Variants in OPCML observed in about 807,000 individuals in gnomAD.
The protein encoded by OPCML is opioid binding protein/cell adhesion molecule like, also known as opioid-binding protein/cell adhesion molecule.
A neutral mutation model predicts 37.8 loss-of-function variants in OPCML; 13 were observed. That is an observed-to-expected ratio of 0.34 (90% CI 0.22 to 0.55). OPCML has a LOEUF of 0.55. OPCML is among the 20% of genes least tolerant of loss of function. OPCML has a pLI of 0.91. For synonymous variants in OPCML, 176 were observed against 168.8 expected (o/e 1.04, Z -0.33); for missense variants, 341 against 435.6 (o/e 0.78, Z 1.93).
intron 1 of OPCML, among the ~76,000 whole-genome samples, chr11:133,264,846 T>A (rs186306362): frequency 6.6e-6 from 1 of 152,152 alleles, no homozygotes; most frequent in Non-Finnish European, 1.5e-5. Context: ...GATCATTAAA[T>A]AAACTAAGTA....
intron 2 of OPCML, among the ~76,000 whole-genome samples, chr11:132,775,839 C>T (rs1946790716): frequency 6.6e-6 from 1 of 152,222 alleles, no homozygotes; most frequent in Non-Finnish European, 1.5e-5. Context: ...CTACCTGCCA[C>T]CTATGAACCA....
At chr11:133,086,830 C>T (rs996247041) in intron 1 of OPCML, among the ~76,000 whole-genome samples, 7 of 152,160 alleles carry the variant, frequency 4.6e-5, no homozygotes, top group Admixed American at 1.3e-4. Flanking sequence ...TAAGATCGTG[C>T]GGTACTTGTG....
intron 1 of OPCML, among the ~76,000 whole-genome samples, chr11:133,429,312 T>C (rs1298678156): frequency 6.6e-6 from 1 of 152,178 alleles, no homozygotes; most frequent in Non-Finnish European, 1.5e-5. Context: ...CTCTAGTAAC[T>C]GAGGCAGGGA....
intron 1 of OPCML, chr11:133,004,391 T>C (rs954216261): frequency 2.0e-6 from 2 of 985,460 alleles, no homozygotes; most frequent in Non-Finnish European, 2.4e-6. Context: ...TCAGAGGAAG[T>C]TGGAATCGTG....
At chr11:133,276,894 A>T (rs796457246) in intron 1 of OPCML, among the ~76,000 whole-genome samples, 16 of 152,200 alleles carry the variant, frequency 1.1e-4, no homozygotes, top group African/African-American at 3.9e-4. Context: ...CAATGGCCTC[A>T]CTTATTTCTT....
intron 3 of OPCML, among the ~76,000 whole-genome samples, chr11:132,532,602 T>G (rs2096328765): frequency 6.6e-6 from 1 of 152,216 alleles, no homozygotes; most frequent in South Asian, 2.1e-4. Flanking sequence ...ATGATTCCTC[T>G]TTGTTTATTG....
chr11:132,975,668 T>A (rs1447458781), intron 1 of OPCML, among the ~76,000 whole-genome samples: 1 of 151,598 alleles, frequency 6.6e-6, no homozygotes, highest in Non-Finnish European at 1.5e-5. Context: ...TCCTACTTAG[T>A]CATTTCCTAT....
intron 3 of OPCML, among the ~76,000 whole-genome samples, chr11:132,599,512 T>C (rs73041772): frequency 0.11 from 17,464 of 151,892 alleles, 1,682 homozygotes; most frequent in African/African-American, 0.24. Context: ...AAGCCAAGCA[T>C]AAACCGAAGC....
intron 1 of OPCML, among the ~76,000 whole-genome samples, chr11:132,951,178 G>A (rs945003586): frequency 7.9e-5 from 12 of 152,186 alleles, no homozygotes; most frequent in African/African-American, 1.9e-4. Context: ...GGAGACCACC[G>A]TAGCAATGAA....
At chr11:132,456,245 G>T (rs1283849613) in intron 4 of OPCML, among the ~76,000 whole-genome samples, 1 of 152,178 alleles carries the variant, frequency 6.6e-6, no homozygotes, top group Non-Finnish European at 1.5e-5. Context: ...TGAGAAAACA[G>T]TGCATAAACA....
At chr11:133,115,672 T>C (rs1949322544) in intron 1 of OPCML, among the ~76,000 whole-genome samples, 2 of 152,108 alleles carry the variant, frequency 1.3e-5, no homozygotes, top group African/African-American at 4.8e-5. Context: ...GAACTCCAAA[T>C]TTAGCTGAAT....
intron 1 of OPCML, among the ~76,000 whole-genome samples, chr11:133,247,540 T>TTTTATTTCTTTCTTTCTTTC: frequency 8.2e-6 from 1 of 122,456 alleles, no homozygotes; most frequent in South Asian, 3.0e-4. Flanking sequence ...CTTTCCTTCT[T>TTTTATTTCTTTCTTTCTTTC]TTTCTTTCTT....
intron 4 of OPCML, among the ~76,000 whole-genome samples, chr11:132,459,539 A>G (rs1235247174): frequency 6.7e-6 from 1 of 148,944 alleles, no homozygotes; most frequent in Non-Finnish European, 1.5e-5. Context: ...ACATATACAT[A>G]TATATATAGA....
chr11:132,516,806 T>C (rs2096280907), intron 4 of OPCML, among the ~76,000 whole-genome samples: 1 of 152,168 alleles, frequency 6.6e-6, no homozygotes, highest in Non-Finnish European at 1.5e-5. Flanking sequence ...CTTGGTGCAC[T>C]CAGTCGGTGA....
At chr11:133,385,211 C>G (rs761891954) in intron 1 of OPCML, among the ~76,000 whole-genome samples, 1 of 152,148 alleles carries the variant, frequency 6.6e-6, no homozygotes, top group African/African-American at 2.4e-5. Context: ...TGGCTGATGG[C>G]CTGGGAGCAG....
rs1221965963 is a variant in OPCML at position 132,858,284 on chromosome 11, A to T, written c.146+84642T>A. Among the ~76,000 whole-genome samples the T allele has an allele frequency of 2.0e-5, 3 of 152,010 alleles. No individual in the cohort carries two copies. In the South Asian group the frequency reaches 6.2e-4, roughly 32 times the overall value. On this transcript the variant is annotated intron_variant, in intron 2 of 7. Coordinates refer to ENST00000524381, the MANE Select transcript of OPCML (RefSeq NM_001012393.5). ...CTGCTTCCTCTGATGGCTGCACCCG[A>T]CTCAGTCAGGCTCCCAGGTTCCCTC...
At chr11:132,478,637 C>T (rs1397110928) in intron 4 of OPCML, among the ~76,000 whole-genome samples, 1 of 152,220 alleles carries the variant, frequency 6.6e-6, no homozygotes, top group African/African-American at 2.4e-5. Flanking sequence ...ATCCTTTCCA[C>T]TTACCATTTA....
At position 133,458,478 on chromosome 11, in the gene OPCML, A is replaced by G. The variant is rs191148836; in HGVS notation, c.61+73786T>C. On this transcript the variant is annotated intron_variant, in intron 1 of 7. Coordinates refer to ENST00000524381, the MANE Select transcript of OPCML (RefSeq NM_001012393.5). ...TATACACATATATACACGTGTGTGT[A>G]TATACACATATATACACGTGTGTGT... Among the ~76,000 whole-genome samples, 87 of 128,124 alleles carry G rather than the reference A, an allele frequency of 6.8e-4. 4 individuals carry two copies. The South Asian group carries it at 9.7e-3, about 14-fold the overall frequency. 84.1% of individuals were successfully genotyped at this position (128,124 alleles called of 152,430 possible).
intron 1 of OPCML, among the ~76,000 whole-genome samples, chr11:133,345,220 T>G (rs1943970067): frequency 6.6e-6 from 1 of 152,134 alleles, no homozygotes; most frequent in African/African-American, 2.4e-5. Context: ...CAAAAAAATC[T>G]CAGGATAGGA....
Sources: allele counts gnomAD v4.1 joint callset (sites outside exome capture counted in the v4.1 genomes callset), GRCh38; gene constraint gnomAD v4.1.1; transcripts MANE v1.5; gene names NCBI Gene and HGNC (gene_info 2026-07-23, HGNC 2026-07-21).